JMY: variants seen among roughly 807,000 people sequenced by gnomAD.
JMY encodes junction-mediating and -regulatory protein.
JMY carries 46 observed loss-of-function variants against 103.3 expected under a neutral mutation model. The ratio of observed to expected loss-of-function variants is 0.45; its 90% confidence interval spans 0.35 to 0.57. The LOEUF (loss-of-function observed/expected upper bound fraction) is 0.57, where lower values mean the gene tolerates loss of function less well. Among genes scored for constraint, JMY ranks in the 20% least tolerant of loss-of-function variants. JMY has a pLI of 0.00. For missense variants in JMY, 1,238 were observed against 1,255.2 expected, an observed-to-expected ratio of 0.99 and a Z score of 0.21; for synonymous variants, 526 against 489.3, an observed-to-expected ratio of 1.07 and a Z score of -0.99.
chr5:79,316,394 C>A, intron 10 of JMY, 84 bp downstream of exon 10: 2 of 1,033,450 alleles, frequency 1.9e-6, no homozygotes, highest in Non-Finnish European at 2.8e-6. Context: ...TTTTATTGAG[C>A]CTGAGGCATA....
At position 79,314,516 on chromosome 5, in the gene JMY, G is replaced by GTGT; in HGVS notation, c.2326_2328dup (p.Val776dup). On this transcript the variant is annotated inframe_insertion, in exon 9 of 11. Transcript: ENST00000396137. The stretch of plus-strand genomic sequence containing the variant: ...GAAGCCACCTCATTACCTCTCAGTG[G>GTGT]TGTTACCTCTGAACTGCCTCCCACT... 2 of 1,614,104 alleles carry GTGT rather than the reference G, an allele frequency of 1.2e-6. No individual in the cohort carries two copies. Among genetic ancestry groups the GTGT allele is most frequent in the Non-Finnish European group, 1.7e-6 (2 of 1,179,992 alleles).
chr5:79,306,407 C>A lies in JMY; in HGVS notation c.1914C>A (p.Ile638=). 1 of 1,612,912 alleles carries A rather than the reference C, an allele frequency of 6.2e-7. No homozygotes were observed. The highest frequency in any genetic ancestry group is 8.5e-7 in the Non-Finnish European group (1 of 1,179,092). The change falls in exon 7 of 11, where the codon ATC becomes ATA. Residue 638 remains isoleucine, a synonymous_variant. Transcript: ENST00000396137. ...GTATTGCAAAACACAATGAAAAAATCCAACAGCGCACTCGGATTGAAGATG... is the reference window on the plus strand; with the variant it reads ...GTATTGCAAAACACAATGAAAAAATACAACAGCGCACTCGGATTGAAGATG... The part of the protein sequence containing the change: ...EICIAKHNEK[I]QQRTRIEDEY...
intron 1 of JMY, among the ~76,000 whole-genome samples, chr5:79,241,159 T>C (rs919130563): frequency 1.3e-5 from 2 of 152,192 alleles, no homozygotes; most frequent in African/African-American, 4.8e-5. Context: ...TAGTAAGTTG[T>C]TGAACTTTTT....
At chr5:79,256,094 T>TCAGAAAA (rs1167038775) in intron 1 of JMY, among the ~76,000 whole-genome samples, 1 of 152,228 alleles carries the variant, frequency 6.6e-6, no homozygotes, top group African/African-American at 2.4e-5. Flanking sequence ...ACCTTGGAAG[T>TCAGAAAA]CTACCTGGTG....
In JMY at chr5:79,236,589, C is replaced by T. The variant is rs971857018; in HGVS notation, c.-62C>T. On this transcript the variant is annotated 5_prime_UTR_variant, in exon 1 of 11. Transcript: ENST00000396137. Reference sequence around the variant, plus strand: ...TGAGCGGGGGGCGCGGCGCAGCCAGCGGGGAGTCCTCGGGCGGGCCGGGCC... The same window carrying T: ...TGAGCGGGGGGCGCGGCGCAGCCAGTGGGGAGTCCTCGGGCGGGCCGGGCC... 1.5e-4 allele frequency: 189 copies of T among 1,248,482 alleles called. No homozygotes were observed. The African/African-American group carries it at 2.4e-3, about 16-fold the overall frequency. 77.3% of individuals were successfully genotyped at this position (1,248,482 alleles called of 1,614,324 possible).
At chr5:79,311,148 CTTTTT>C (rs35187257) in intron 7 of JMY, among the ~76,000 whole-genome samples, 2 of 126,138 alleles carry the variant, frequency 1.6e-5, no homozygotes, top group Non-Finnish European at 3.3e-5. Context: ...ACCACACCTT[CTTTTT>C]TTTTTTTTTT....
chr5:79,307,425 T>C (rs1253566393), intron 7 of JMY, among the ~76,000 whole-genome samples: 1 of 152,102 alleles, frequency 6.6e-6, no homozygotes, highest in Non-Finnish European at 1.5e-5. Context: ...TTGTTACGTT[T>C]TTGAATTTTA....
intron 1 of JMY, among the ~76,000 whole-genome samples, chr5:79,253,673 C>A (rs1745156605): frequency 6.6e-6 from 1 of 152,140 alleles, no homozygotes; most frequent in Non-Finnish European, 1.5e-5. Flanking sequence ...TGTTTACTTA[C>A]TATTATCAGT....
chr5:79,269,530 A>G (rs1468205926), intron 1 of JMY, among the ~76,000 whole-genome samples: 2 of 152,218 alleles, frequency 1.3e-5, no homozygotes, highest in African/African-American at 4.8e-5. Context: ...GTTAGGAAGA[A>G]CTAATACCTT....
chr5:79,274,245 A>G (rs868711368), intron 1 of JMY, among the ~76,000 whole-genome samples: 4 of 151,938 alleles, frequency 2.6e-5, no homozygotes, highest in East Asian at 1.9e-4. Flanking sequence ...ATTAGTTTCT[A>G]TTTTTTGAGA....
At position 79,314,622 on chromosome 5, in the gene JMY, A is replaced by ACCCCCC; in HGVS notation, c.2432_2433insCCCCCC (p.Pro824_Pro825dup). 1 of 1,589,010 alleles carries ACCCCCC rather than the reference A, an allele frequency of 6.3e-7. No individual in the cohort carries two copies. Among genetic ancestry groups the ACCCCCC allele is most frequent in the Non-Finnish European group, 8.6e-7 (1 of 1,160,338 alleles). ...CACTCCCATCCCCTCTTCCTCCAAC[A>ACCCCCC]CCACCACCTCCCCCACCTCCTCCCC... On this transcript the variant is annotated inframe_insertion, in exon 9 of 11. Transcript: ENST00000396137.
At position 79,316,295 on chromosome 5, in the gene JMY, C is replaced by G. The variant is rs977946159; in HGVS notation, c.2955C>G (p.Asp985Glu). 2 of 1,608,762 alleles carry G rather than the reference C, an allele frequency of 1.2e-6. No homozygotes were observed. The highest frequency in any genetic ancestry group is 1.3e-5 in the African/African-American group (1 of 74,734). ...AAGAGGAGGCTTTACCTTGCACAGA[C>G]TGGGAGAACTAACAAGTAAACGGCC... ...EDEEEALPCT[D>E]WEN is the part of the protein sequence containing the mutation. Residue 985 changes from aspartate (D) to glutamate (E), a missense_variant, in exon 10 of 11, where the codon GAC becomes GAG. Asp to Glu is a conservative substitution (Grantham distance 45, BLOSUM62 2). Transcript: ENST00000396137.
chr5:79,316,929 C>T (rs1747246162), intron 10 of JMY, among the ~76,000 whole-genome samples: 2 of 139,856 alleles, frequency 1.4e-5, no homozygotes, highest in Non-Finnish European at 3.1e-5. Flanking sequence ...AAAAGGCTTT[C>T]CAGGTTCAGT....
At chr5:79,314,923 G>A (rs775654954) in intron 9 of JMY, 72 bp downstream of exon 9, 20 of 1,368,564 alleles carry the variant, frequency 1.5e-5, no homozygotes, top group East Asian at 4.7e-5. Flanking sequence ...ATTTTTTGAC[G>A]TTGCAAAGCT....
rs558147164 is a variant in JMY, at chr5:79,246,767, G to C, written c.1032+9085G>C. On this transcript the variant is annotated intron_variant, in intron 1 of 10. Transcript: ENST00000396137. Reference sequence around the variant, plus strand: ...GTGGTGTTGGACACCTGTAATCCCAGCTAACTTGGGAGGCTGAGGCAGGAG... The same window carrying C: ...GTGGTGTTGGACACCTGTAATCCCACCTAACTTGGGAGGCTGAGGCAGGAG... 4.6e-5 allele frequency among the ~76,000 whole-genome samples: 7 copies of C among 152,108 alleles called. No individual in the cohort carries two copies. The East Asian group carries it at 1.4e-3, about 29-fold the overall frequency.
Position 79,327,005 on chromosome 5 carries a change from T to C in JMY, c.*5403T>C, listed in dbSNP as rs1561323476. The C allele has an allele frequency of 6.6e-6, 1 of 152,232 alleles. No individual in the cohort carries two copies. The highest frequency in any genetic ancestry group is 1.5e-5 in the Non-Finnish European group (1 of 68,034). 9.4% of individuals were successfully genotyped at this position (152,232 alleles called of 1,614,324 possible). On this transcript the variant is annotated 3_prime_UTR_variant, in exon 11 of 11. Transcript: ENST00000396137. ...CAGTAATCGTTTTGACTGTTGCCTT[T>C]TGCTCTTTAGTGCAGCTTTTCTGCA...
At chr5:79,274,402 T>TG (rs1561299689) in intron 1 of JMY, among the ~76,000 whole-genome samples, 4 of 151,944 alleles carry the variant, frequency 2.6e-5, no homozygotes, top group African/African-American at 9.7e-5. Flanking sequence ...TAGTGTTTTT[T>TG]TTTGTTTGTT....
intron 10 of JMY, among the ~76,000 whole-genome samples, chr5:79,318,750 A>G (rs1323830868): frequency 2.1e-5 from 1 of 46,530 alleles, no homozygotes; most frequent in Admixed American, 2.3e-4. Context: ...GAATATATAT[A>G]TATATATATA....
At chr5:79,266,060 G>T (rs1025878988) in intron 1 of JMY, among the ~76,000 whole-genome samples, 3 of 152,116 alleles carry the variant, frequency 2.0e-5, no homozygotes, top group African/African-American at 7.2e-5. Flanking sequence ...GGGATTATAG[G>T]TGTGAGCCAC....
Sources: gnomAD v4.1 joint callset for allele counts (sites outside exome capture counted in the v4.1 genomes callset) on GRCh38, gnomAD v4.1.1 for gene constraint, MANE v1.5 for transcripts, NCBI Gene and HGNC (gene_info 2026-07-23, HGNC 2026-07-21) for gene names.